The following ACYP2 variants were observed in gnomAD, a reference collection of about 807,000 sequenced individuals.
ACYP2 encodes the protein acylphosphatase 2.
Under a neutral mutation model 11.2 loss-of-function variants are expected in ACYP2, and 12 were observed. The observed-to-expected ratio is 1.08, with a 90% CI of 0.69 to 1.74. ACYP2 has a LOEUF of 1.74. ACYP2 is among the 40% of genes most tolerant of loss of function. ACYP2 has a pLI of 0.00. For missense variants in ACYP2, 134 were observed against 101.9 expected, an observed-to-expected ratio of 1.31 and a Z score of -1.35; for synonymous variants, 43 against 32.2, an observed-to-expected ratio of 1.33 and a Z score of -1.13.
chr2:54,256,321 G>A (rs1687532737), intron 6 of ACYP2: 1 of 664,602 alleles, frequency 1.5e-6, no homozygotes, highest in Non-Finnish European at 2.6e-6. Context: ...AGTCTCGCGA[G>A]TCTGTGGTGG....
chr2:54,020,156 C>T (rs990625146), intron 2 of ACYP2, among the ~76,000 whole-genome samples: 4 of 152,066 alleles, frequency 2.6e-5, no homozygotes, highest in Admixed American at 6.6e-5. Flanking sequence ...AGGCTGGTCT[C>T]GAATTCCTGA....
At chr2:54,245,909 C>T (rs965109) in intron 6 of ACYP2, among the ~76,000 whole-genome samples, 3,474 of 152,038 alleles carry the variant, frequency 0.023, 80 homozygotes, top group Non-Finnish European at 0.025. Context: ...CTTTTGAGGT[C>T]TTATTCATAA....
intron 6 of ACYP2, among the ~76,000 whole-genome samples, chr2:54,271,236 AT>A (rs1480025065): frequency 2.6e-5 from 4 of 152,220 alleles, no homozygotes; most frequent in Non-Finnish European, 5.9e-5. Context: ...AGGCCACAAG[AT>A]TAGTATTATG....
intron 2 of ACYP2, among the ~76,000 whole-genome samples, chr2:53,990,819 C>T (rs1165680138): frequency 6.6e-6 from 1 of 151,212 alleles, no homozygotes; most frequent in East Asian, 1.9e-4. Flanking sequence ...TTTTTTAAGG[C>T]AGAGTCTCGC....
chr2:54,012,567 TGCTGACTAGAA>T (rs1673432689), intron 2 of ACYP2, among the ~76,000 whole-genome samples: 1 of 152,256 alleles, frequency 6.6e-6, no homozygotes, highest in East Asian at 1.9e-4. Context: ...GCTCTCCCTA[TGCTGACTAGAA>T]GCATGACACT....
intron 4 of ACYP2, among the ~76,000 whole-genome samples, chr2:54,124,282 C>T (rs536085450): frequency 6.9e-4 from 105 of 152,174 alleles, no homozygotes; most frequent in Middle Eastern, 3.4e-3. Flanking sequence ...GCAACCTCCG[C>T]CTACCAGGTT....
chr2:54,087,437 T>C lies in ACYP2; in HGVS notation c.277+30077T>C, dbSNP rs530766984. On this transcript the variant is annotated intron_variant, in intron 4 of 6. Transcript: ENST00000607452. ...ATCATGGCTCTCTGCAGCCTTGATC[T>C]CCCCAGGCTCAAGTGACCCTCCCTC... Among the ~76,000 whole-genome samples the C allele has an allele frequency of 9.9e-5, 15 of 152,246 alleles. No individual in the cohort carries two copies. The South Asian group carries it at 3.1e-3, about 32-fold the overall frequency.
At chr2:53,972,708 G>A (rs1195284030) in intron 1 of ACYP2, among the ~76,000 whole-genome samples, 1 of 152,214 alleles carries the variant, frequency 6.6e-6, no homozygotes, top group Non-Finnish European at 1.5e-5. Context: ...ATCATGGCCT[G>A]GATGTCAGTT....
At chr2:54,204,298 A>ATT (rs34841607) in intron 6 of ACYP2, among the ~76,000 whole-genome samples, 55,673 of 146,510 alleles carry the variant, frequency 0.38, 11,573 homozygotes, top group East Asian at 0.66. Flanking sequence ...CGGCCATGGG[A>ATT]TTTTTTTTTT....
At chr2:54,210,140 TCAAAAAAAAAAAAAAAAAAAA>T (rs1685270380) in intron 6 of ACYP2, among the ~76,000 whole-genome samples, 6 of 51,326 alleles carry the variant, frequency 1.2e-4, no homozygotes, top group Non-Finnish European at 1.6e-4. Context: ...AGACTGTGTC[TCAAAAAAAAAAAAAAAAAAAA>T]AAAAAAATTA....
intron 4 of ACYP2, among the ~76,000 whole-genome samples, chr2:54,090,730 T>C (rs2103680853): frequency 6.6e-6 from 1 of 152,362 alleles, no homozygotes; most frequent in Admixed American, 6.5e-5. Context: ...GCTCTTCCTC[T>C]TTCTCTTTGC....
At chr2:54,296,513 G>C (rs17045792) in intron 6 of ACYP2, among the ~76,000 whole-genome samples, 3,162 of 152,212 alleles carry the variant, frequency 0.021, 119 homozygotes, top group African/African-American at 0.072. Flanking sequence ...GCAAAGGTGG[G>C]CTGAGGGATA....
intron 4 of ACYP2, among the ~76,000 whole-genome samples, chr2:54,103,155 A>G (rs1452506475): frequency 6.7e-6 from 1 of 150,008 alleles, no homozygotes; most frequent in Non-Finnish European, 1.5e-5. Flanking sequence ...AAAAGAAAAA[A>G]TTTATATTAC....
At chr2:54,044,524 T>C (rs532704261) in intron 2 of ACYP2, among the ~76,000 whole-genome samples, 29 of 150,182 alleles carry the variant, frequency 1.9e-4, no homozygotes, top group Admixed American at 1.5e-3. Flanking sequence ...GAGGTGGAGG[T>C]TGCAGTGAGC....
At chr2:54,108,626 T>G (rs1679296838) in intron 4 of ACYP2, among the ~76,000 whole-genome samples, 1 of 151,874 alleles carries the variant, frequency 6.6e-6, no homozygotes, top group Admixed American at 6.6e-5. Context: ...TGGCTGGCCC[T>G]TTTTCCCCCG....
At chr2:54,034,123 C>T (rs1284698203) in intron 2 of ACYP2, among the ~76,000 whole-genome samples, 1 of 152,154 alleles carries the variant, frequency 6.6e-6, no homozygotes, top group Non-Finnish European at 1.5e-5. Context: ...TTTGTGAGGC[C>T]AAGGTGGGTG....
intron 6 of ACYP2, among the ~76,000 whole-genome samples, chr2:54,267,648 T>G (rs772804827): frequency 5.3e-5 from 8 of 152,238 alleles, no homozygotes; most frequent in Non-Finnish European, 1.2e-4. Flanking sequence ...TGGCTTGCTT[T>G]CTTTATCTAC....
At chr2:53,975,007 G>A (rs1671400865) in intron 2 of ACYP2, among the ~76,000 whole-genome samples, 1 of 151,998 alleles carries the variant, frequency 6.6e-6, no homozygotes, top group Non-Finnish European at 1.5e-5. Flanking sequence ...GAAATGTTTG[G>A]ATTTAAGATT....
chr2:54,139,576 G>T (rs559618749), intron 6 of ACYP2, among the ~76,000 whole-genome samples: 2 of 152,214 alleles, frequency 1.3e-5, no homozygotes, highest in African/African-American at 2.4e-5. Context: ...TACATGTTGG[G>T]CAATATGCTA....
Sources: allele counts gnomAD v4.1 joint callset (sites outside exome capture counted in the v4.1 genomes callset), GRCh38; gene constraint gnomAD v4.1.1; transcripts MANE v1.5; gene names NCBI Gene and HGNC (gene_info 2026-07-23, HGNC 2026-07-21).